The following TNFAIP8 variants were observed in gnomAD, a reference collection of about 807,000 sequenced individuals.
The protein encoded by TNFAIP8 is tumor necrosis factor alpha-induced protein 8.
A neutral mutation model predicts 13.3 loss-of-function variants in TNFAIP8; 7 were observed. The ratio of observed to expected loss-of-function variants is 0.52; its 90% CI spans 0.30 to 0.99. The LOEUF is 0.99. Among genes scored for constraint, TNFAIP8 ranks in the 50% least tolerant of loss-of-function variants. TNFAIP8 has a pLI of 0.07. For synonymous variants in TNFAIP8, 94 were observed against 87.6 expected, an observed-to-expected ratio of 1.07 and a Z score of -0.41; for missense variants, 258 against 236.9, an observed-to-expected ratio of 1.09 and a Z score of -0.58.
intron 1 of TNFAIP8, among the ~76,000 whole-genome samples, chr5:119,337,156 T>C (rs995769365): frequency 6.6e-6 from 1 of 152,226 alleles, no homozygotes; most frequent in African/African-American, 2.4e-5. Flanking sequence ...AGAGAACTCA[T>C]CCTGAATTCT....
chr5:119,326,553 G>A (rs1391937240), intron 1 of TNFAIP8, among the ~76,000 whole-genome samples: 2 of 152,206 alleles, frequency 1.3e-5, no homozygotes, highest in Non-Finnish European at 2.9e-5. Context: ...GAAGCATTGC[G>A]TGCTCCTCAT....
chr5:119,321,847 G>A (rs963956124), intron 1 of TNFAIP8, among the ~76,000 whole-genome samples: 2 of 151,970 alleles, frequency 1.3e-5, no homozygotes, highest in Non-Finnish European at 2.9e-5. Context: ...CCATTCCAAC[G>A]GACAAACTCC....
chr5:119,322,863 G>C (rs1425381460), intron 1 of TNFAIP8, among the ~76,000 whole-genome samples: 1 of 152,168 alleles, frequency 6.6e-6, no homozygotes, highest in East Asian at 1.9e-4. Context: ...CTAAGTTCTA[G>C]ACCTGGGTGT....
chr5:119,291,687 G>T (rs951362480), intron 1 of TNFAIP8, among the ~76,000 whole-genome samples: 4 of 152,190 alleles, frequency 2.6e-5, no homozygotes, highest in Non-Finnish European at 4.4e-5. Flanking sequence ...AGGATTTGGG[G>T]CAGAGTTTTT....
chr5:119,278,269 A>G (rs1581562747), intron 1 of TNFAIP8, among the ~76,000 whole-genome samples: 1 of 151,764 alleles, frequency 6.6e-6, no homozygotes, highest in Non-Finnish European at 1.5e-5. Context: ...TTATCTGCAG[A>G]CTTGCCTCTT....
intron 1 of TNFAIP8, among the ~76,000 whole-genome samples, chr5:119,329,469 A>G (rs537402000): frequency 9.2e-5 from 14 of 151,984 alleles, no homozygotes; most frequent in African/African-American, 3.1e-4. Flanking sequence ...TCACTACTCT[A>G]CCTGGCCTTG....
At chr5:119,291,415 C>T (rs866504467) in intron 1 of TNFAIP8, among the ~76,000 whole-genome samples, 1 of 152,188 alleles carries the variant, frequency 6.6e-6, no homozygotes, top group Non-Finnish European at 1.5e-5. Context: ...GCAGTGGATT[C>T]GATTTACGTA....
chr5:119,306,664 T>C (rs1749576914), intron 1 of TNFAIP8: 1 of 152,208 alleles, frequency 6.6e-6, no homozygotes, highest in South Asian at 2.1e-4. Context: ...AAATATGTTT[T>C]TTAATGAATA....
chr5:119,344,114 G>T (rs1750821860), intron 1 of TNFAIP8, among the ~76,000 whole-genome samples: 2 of 152,200 alleles, frequency 1.3e-5, no homozygotes, highest in South Asian at 4.1e-4. Flanking sequence ...CCAAAAAGAA[G>T]AACCTGAGTA....
intron 1 of TNFAIP8, among the ~76,000 whole-genome samples, chr5:119,307,410 CT>C (rs1243597774): frequency 6.6e-6 from 1 of 152,112 alleles, no homozygotes. Context: ...ACATACAGTA[CT>C]TTTTTTGTAC....
At chr5:119,339,440 A>G (rs913156936) in intron 1 of TNFAIP8, among the ~76,000 whole-genome samples, 1 of 148,158 alleles carries the variant, frequency 6.7e-6, no homozygotes, top group African/African-American at 2.5e-5. Context: ...TCTACTACAC[A>G]GGTCTCCTCT....
At chr5:119,341,226 A>G (rs250304) in intron 1 of TNFAIP8, among the ~76,000 whole-genome samples, 60,411 of 151,520 alleles carry the variant, frequency 0.4, 12,197 homozygotes, top group Admixed American at 0.46. Flanking sequence ...TAAGCGAGAG[A>G]TTGCTTATTT....
chr5:119,367,260 A>C (rs1399899582), intron 1 of TNFAIP8, among the ~76,000 whole-genome samples: 1 of 151,928 alleles, frequency 6.6e-6, no homozygotes, highest in Non-Finnish European at 1.5e-5. Flanking sequence ...TAAAAATGCA[A>C]TTCGGCCAAA....
intron 1 of TNFAIP8, among the ~76,000 whole-genome samples, chr5:119,297,375 T>A (rs1749211188): frequency 6.6e-6 from 1 of 152,216 alleles, no homozygotes; most frequent in South Asian, 2.1e-4. Context: ...CCAGTAGTCA[T>A]TCAGGAGCAG....
At chr5:119,362,627 A>G (rs897717442) in intron 1 of TNFAIP8, among the ~76,000 whole-genome samples, 4 of 145,288 alleles carry the variant, frequency 2.8e-5, no homozygotes, top group Non-Finnish European at 4.6e-5. Context: ...GAGACCCCCC[A>G]TCTCTACAAA....
intron 1 of TNFAIP8, among the ~76,000 whole-genome samples, chr5:119,364,250 C>T (rs1434589505): frequency 6.6e-6 from 1 of 152,178 alleles, no homozygotes. Flanking sequence ...TTGAAAGAGG[C>T]TTATTATGAG....
chr5:119,293,940 T>C (rs1161672514), intron 1 of TNFAIP8, among the ~76,000 whole-genome samples: 1 of 152,216 alleles, frequency 6.6e-6, no homozygotes, highest in African/African-American at 2.4e-5. Flanking sequence ...TGGTGGATGT[T>C]CTAGGCACTC....
chr5:119,307,980 C>T (rs1325200687), intron 1 of TNFAIP8, among the ~76,000 whole-genome samples: 1 of 152,058 alleles, frequency 6.6e-6, no homozygotes, highest in Non-Finnish European at 1.5e-5. Context: ...AGCCTCATTG[C>T]AAGGAAAAAT....
intron 1 of TNFAIP8, among the ~76,000 whole-genome samples, chr5:119,298,159 C>A (rs939388468): frequency 6.6e-6 from 1 of 152,110 alleles, no homozygotes; most frequent in African/African-American, 2.4e-5. Flanking sequence ...ATGATGTTAG[C>A]TGGTTATTTT....
Sources: gnomAD v4.1 joint callset for allele counts (sites outside exome capture counted in the v4.1 genomes callset) on GRCh38, gnomAD v4.1.1 for gene constraint, MANE v1.5 for transcripts, NCBI Gene and HGNC (gene_info 2026-07-23, HGNC 2026-07-21) for gene names.